NUDT16: variants seen among roughly 807,000 people sequenced by gnomAD.
NUDT16 encodes the protein U8 snoRNA-decapping enzyme.
NUDT16 carries 12 observed loss-of-function variants against 11.7 expected under a neutral mutation model. The ratio of observed to expected loss-of-function variants is 1.03; its 90% CI spans 0.66 to 1.67. The LOEUF (loss-of-function observed/expected upper bound fraction) is 1.67. Ranked by LOEUF, NUDT16 falls within the 40% of genes most tolerant of loss-of-function variation. The pLI is 0.00. For missense variants in NUDT16, 303 were observed against 268.9 expected, an observed-to-expected ratio of 1.13 and a Z score of -0.89; for synonymous variants, 129 against 122.6, an observed-to-expected ratio of 1.05 and a Z score of -0.35.
rs750624826 is a variant in NUDT16 at position 131,388,803 on chromosome 3, TAAC to T, written c.*5465_*5467del. ...TTGAGCATAATAAATATTTTATAAA[TAAC>T]AATAAATCATTTGATTTTATGCTAG... On this transcript the variant is annotated 3_prime_UTR_variant, in exon 3 of 3. Transcript: ENST00000521288. 2.0e-5 allele frequency: 3 copies of T among 152,170 alleles called. No homozygotes were observed. The highest frequency in any genetic ancestry group is 7.2e-5 in the African/African-American group (3 of 41,436). 9.4% of individuals were successfully genotyped at this position (152,170 alleles called of 1,614,324 possible).
chr3:131,383,338 C>T lies in NUDT16; in HGVS notation c.585C>T (p.His195=). Residue 195 remains histidine, a synonymous_variant, in exon 3 of 3, where the codon CAC becomes CAT. Coordinates refer to ENST00000521288, the MANE Select transcript of NUDT16 (RefSeq NM_152395.3). This position sits in a 1 kb window ranked among gnomAD's most constrained non-coding sequence, Gnocchi z 4.4. ...SISGLKIPAH[H] is the part of the protein sequence containing the mutation. ...CAGGCCTTAAGATTCCAGCTCATCA[C>T]TAGAGGCAGCCCTCCATGGACCCAT... 1 of 1,614,074 alleles carries T rather than the reference C, an allele frequency of 6.2e-7. No homozygotes were observed. Among genetic ancestry groups the T allele is most frequent in the Non-Finnish European group, 8.5e-7 (1 of 1,180,020 alleles).
At position 131,383,481 on chromosome 3, in the gene NUDT16, A is replaced by C; in HGVS notation, c.*140A>C. 1 of 1,522,446 alleles carries C rather than the reference A, an allele frequency of 6.6e-7. No homozygotes were observed. The highest frequency in any genetic ancestry group is 8.8e-7 in the Non-Finnish European group (1 of 1,137,988). The allele number at this position is 1,522,446 out of a possible 1,614,324, so 94.3% of individuals were successfully genotyped here. A position where few individuals can be genotyped will look rare whatever the true frequency, so the allele number is the denominator to read the frequency against. On this transcript the variant is annotated 3_prime_UTR_variant, in exon 3 of 3. Coordinates refer to ENST00000521288, the MANE Select transcript of NUDT16 (RefSeq NM_152395.3). The surrounding 1 kb of genome is among the most constrained non-coding windows in gnomAD (Gnocchi z 4.4). ...ATGAAAAGAAGGAGAAGTGTGTACC[A>C]TATGTTTTGAGCAGAGGACCCTCCA...
intron 2 of NUDT16, chr3:131,382,924 C>A: frequency 1.7e-6 from 1 of 601,282 alleles, no homozygotes; most frequent in Non-Finnish European, 2.9e-6. Flanking sequence ...ATCTTTGAGG[C>A]AGTAGCCACT....
rs1348063669 is a variant in NUDT16 at position 131,384,046 on chromosome 3, T to A, written c.*705T>A. The A allele has an allele frequency of 6.5e-6, 1 of 152,962 alleles. No homozygotes were observed. The highest frequency in any genetic ancestry group is 2.4e-5 in the African/African-American group (1 of 41,414). The allele number at this position is 152,962 out of a possible 1,614,324, so 9.5% of individuals were successfully genotyped here. On this transcript the variant is annotated 3_prime_UTR_variant, in exon 3 of 3. Transcript: ENST00000521288. ...CTAGAGCTTTCATCTTTGGGATGCC[T>A]GAGACTCCGAGACTATCAGAAGGGA...
chr3:131,382,773 C>G (rs1045809028), intron 2 of NUDT16: 1 of 1,248,186 alleles, frequency 8.0e-7, no homozygotes, highest in South Asian at 1.8e-5. Context: ...ATAGCGATTT[C>G]TCTCAGCATT....
chr3:131,382,467 TATACTCTGA>T, intron 2 of NUDT16, 152 bp downstream of exon 2: 1 of 1,536,904 alleles, frequency 6.5e-7, no homozygotes, highest in Non-Finnish European at 8.7e-7. Flanking sequence ...CGTGATCATC[TATACTCTGA>T]ATTAGTACTG....
rs985008669 is a variant in NUDT16 at position 131,387,681 on chromosome 3, T to A, written c.*4340T>A. 2 of 152,336 alleles carry A rather than the reference T, an allele frequency of 1.3e-5. No individual in the cohort carries two copies. The highest frequency in any genetic ancestry group is 2.9e-5 in the Non-Finnish European group (2 of 68,140). 9.4% of individuals were successfully genotyped at this position (152,336 alleles called of 1,614,324 possible). On this transcript the variant is annotated 3_prime_UTR_variant, in exon 3 of 3. Coordinates refer to ENST00000521288, the MANE Select transcript of NUDT16 (RefSeq NM_152395.3). Reference sequence around the variant, plus strand: ...CAACAAGTATAGAAAGCTCCTGGACTCAGCCAAGACCCTCACCTACAGTCC... The same window carrying A: ...CAACAAGTATAGAAAGCTCCTGGACACAGCCAAGACCCTCACCTACAGTCC...
In NUDT16 at chr3:131,388,450, A is replaced by T. The variant is rs2097461292; in HGVS notation, c.*5109A>T. On this transcript the variant is annotated 3_prime_UTR_variant, in exon 3 of 3. Coordinates refer to ENST00000521288, the MANE Select transcript of NUDT16 (RefSeq NM_152395.3). ...GGGAACAAAAAGATAAAAACTAAAA[A>T]GCATCAGACTGTTTTTTGTGTGAAG... 1 of 152,244 alleles carries T rather than the reference A, an allele frequency of 6.6e-6. No homozygotes were observed. Among genetic ancestry groups the T allele is most frequent in the Admixed American group, 6.5e-5 (1 of 15,282 alleles). The allele number at this position is 152,244 out of a possible 1,614,324, so 9.4% of individuals were successfully genotyped here. A position where few individuals can be genotyped will look rare whatever the true frequency, so the allele number is the denominator to read the frequency against.
At chr3:131,382,398 G>A in intron 2 of NUDT16, 83 bp downstream of exon 2, 1 of 1,578,546 alleles carries the variant, frequency 6.3e-7, no homozygotes, top group South Asian at 1.1e-5. Flanking sequence ...CATCCCTGGA[G>A]AAAAGTCTTT....
Position 131,382,045 on chromosome 3 carries a change from G to C in NUDT16, c.139-1G>C, listed in dbSNP as rs148362533. On this transcript the variant is annotated splice_acceptor_variant, in intron 1 of 2. Coordinates refer to ENST00000521288, the MANE Select transcript of NUDT16 (RefSeq NM_152395.3). LOFTEE classifies it high-confidence loss of function. The stretch of plus-strand genomic sequence containing the variant: ...CCAATCCCCGCTTCCCCCTCCCGCA[G>C]ATGCAGATGCGCTTCGATGGACGCC... The C allele has an allele frequency of 1.3e-6, 2 of 1,579,296 alleles. No individual in the cohort carries two copies. Among genetic ancestry groups the C allele is most frequent in the African/African-American group, 2.7e-5 (2 of 73,920 alleles).
Position 131,385,471 on chromosome 3 carries a change from C to T in NUDT16, c.*2130C>T, listed in dbSNP as rs2110661494. 6.6e-6 allele frequency: 1 copy of T among 152,568 alleles called. No individual in the cohort carries two copies. The highest frequency in any genetic ancestry group is 2.1e-4 in the South Asian group (1 of 4,820). 9.5% of individuals were successfully genotyped at this position (152,568 alleles called of 1,614,324 possible). The stretch of plus-strand genomic sequence containing the variant: ...CCTTGGTGAACAAGAGGAGTGGCCA[C>T]AAGGCCAGTGGCACCTGCCAGAGGG... On this transcript the variant is annotated 3_prime_UTR_variant, in exon 3 of 3. Coordinates refer to ENST00000521288, the MANE Select transcript of NUDT16 (RefSeq NM_152395.3).
At position 131,381,893 on chromosome 3, in the gene NUDT16, C is replaced by A; in HGVS notation, c.89C>A (p.Pro30Gln). ...RHACHALLYAPDPGMLFGRIP... is the reference protein window; with the variant it reads ...RHACHALLYAQDPGMLFGRIP... ...GCGTGCCACGCTCTCCTCTACGCGC[C>A]GGACCCTGGGATGCTCTTCGGCCGC... The change falls in exon 1 of 3, where the codon CCG becomes CAG. Residue 30 changes from proline to glutamine, a missense_variant. By Grantham distance (76) the Pro-to-Gln change is moderately conservative (BLOSUM62 -1). Transcript: ENST00000521288. 3 of 1,610,410 alleles carry A rather than the reference C, an allele frequency of 1.9e-6. No individual in the cohort carries two copies. Among genetic ancestry groups the A allele is most frequent in the Non-Finnish European group, 2.5e-6 (3 of 1,179,650 alleles).
rs1022895868 is a variant in NUDT16 at position 131,386,260 on chromosome 3, G to A, written c.*2919G>A. The A allele has an allele frequency of 1.6e-4, 24 of 152,148 alleles. No individual in the cohort carries two copies. The highest frequency in any genetic ancestry group is 5.6e-4 in the African/African-American group (23 of 41,402). The allele number at this position is 152,148 out of a possible 1,614,324, so 9.4% of individuals were successfully genotyped here. A position where few individuals can be genotyped will look rare whatever the true frequency, so the allele number is the denominator to read the frequency against. On this transcript the variant is annotated 3_prime_UTR_variant, in exon 3 of 3. Coordinates refer to ENST00000521288, the MANE Select transcript of NUDT16 (RefSeq NM_152395.3). ...GACAGTCTCTGGGTAGGCAGGTGGGGGGTGATACAAGTTCACACTCTGTGT... is the reference window on the plus strand; with the variant it reads ...GACAGTCTCTGGGTAGGCAGGTGGGAGGTGATACAAGTTCACACTCTGTGT...
rs1032207694 is a variant in NUDT16, at chr3:131,381,786, A to C, written c.-19A>C. 1 of 1,539,902 alleles carries C rather than the reference A, an allele frequency of 6.5e-7. No individual in the cohort carries two copies. Among genetic ancestry groups the C allele is most frequent in the Non-Finnish European group, 8.7e-7 (1 of 1,149,388 alleles). ...CTGCCCATTGGGCCTTCGGGACAGCAGAGGAGCAGTGTCCGGCCATGGCCG... is the reference window on the plus strand; with the variant it reads ...CTGCCCATTGGGCCTTCGGGACAGCCGAGGAGCAGTGTCCGGCCATGGCCG... On this transcript the variant is annotated 5_prime_UTR_variant, in exon 1 of 3. Coordinates refer to ENST00000521288, the MANE Select transcript of NUDT16 (RefSeq NM_152395.3).
chr3:131,382,277 G>A lies in NUDT16; in HGVS notation c.370G>A (p.Glu124Lys), dbSNP rs750802577. 6.2e-7 allele frequency: 1 copy of A among 1,612,914 alleles called. No homozygotes were observed. Among genetic ancestry groups the A allele is most frequent in the South Asian group, 1.1e-5 (1 of 91,072 alleles). ...GACGCTCGAGGAGCTGTTGGCTGTG[G>A]AGGCCGGCGCAACACGCGCCAAGGA... The part of the protein sequence containing the change: ...RLTLEELLAV[E>K]AGATRAKDHG... The change falls in exon 2 of 3, where the codon GAG becomes AAG. Residue 124 changes from glutamate (E) to lysine (K), a missense_variant. Glu to Lys is a moderately conservative substitution (Grantham distance 56). Coordinates refer to ENST00000521288, the MANE Select transcript of NUDT16 (RefSeq NM_152395.3).
rs115255996 is a variant in NUDT16 at position 131,382,933 on chromosome 3, C to A, written c.409-229C>A. The A allele has an allele frequency of 3.4e-3, 2,066 of 610,014 alleles. 46 individuals carry two copies. The highest frequency in any genetic ancestry group is 0.033 in the African/African-American group (1,811 of 54,346). The allele number at this position is 610,014 out of a possible 1,614,324, so 37.8% of individuals were successfully genotyped here. On this transcript the variant is annotated intron_variant, in intron 2 of 2. Transcript: ENST00000521288. ...GAATACATCTTTGAGGCAGTAGCCA[C>A]TAGAGGTTTAGAAGCAGATGTGGGA...
chr3:131,382,802 C>T (rs1414302152), intron 2 of NUDT16: 4 of 1,000,920 alleles, frequency 4.0e-6, no homozygotes, highest in Middle Eastern at 3.3e-4. Context: ...GGTGGTGGGG[C>T]GGGGGGAGAG....
chr3:131,386,032 G>T lies in NUDT16; in HGVS notation c.*2691G>T, dbSNP rs1289485417. ...CCCACTGATCAGTCTCTCAGTGCCT[G>T]CCTACTGGGCAGCTCATCTGTCCAC... On this transcript the variant is annotated 3_prime_UTR_variant, in exon 3 of 3. Transcript: ENST00000521288. 1.3e-5 allele frequency: 2 copies of T among 152,176 alleles called. No homozygotes were observed. Among genetic ancestry groups the T allele is most frequent in the Admixed American group, 1.3e-4 (2 of 15,276 alleles). 9.4% of individuals were successfully genotyped at this position (152,176 alleles called of 1,614,324 possible). A position where few individuals can be genotyped will look rare whatever the true frequency, so the allele number is the denominator to read the frequency against.
Position 131,388,643 on chromosome 3 carries a change from T to A in NUDT16, c.*5302T>A, listed in dbSNP as rs2097461428. Reference sequence around the variant, plus strand: ...AGAATGAATCAAAGGAAATAACTGATCGACAGGAAAACTGTAGGAAATTTG... The same window carrying A: ...AGAATGAATCAAAGGAAATAACTGAACGACAGGAAAACTGTAGGAAATTTG... On this transcript the variant is annotated 3_prime_UTR_variant, in exon 3 of 3. Transcript: ENST00000521288. The A allele has an allele frequency of 6.6e-6, 1 of 152,188 alleles. No individual in the cohort carries two copies. The highest frequency in any genetic ancestry group is 6.5e-5 in the Admixed American group (1 of 15,274). 9.4% of individuals were successfully genotyped at this position (152,188 alleles called of 1,614,324 possible).
Sources: gnomAD v4.1 joint callset for allele counts on GRCh38, gnomAD v4.1.1 for gene constraint, Gnocchi (gnomAD v3.1) non-coding constraint, MANE v1.5 for transcripts, NCBI Gene and HGNC (gene_info 2026-07-23, HGNC 2026-07-21) for gene names.